FAM169A: variants seen among roughly 807,000 people sequenced by gnomAD.
FAM169A encodes family with sequence similarity 169 member A.
A neutral mutation model predicts 75.7 loss-of-function variants in FAM169A; 24 were observed. The observed-to-expected ratio is 0.32, with a 90% CI of 0.23 to 0.45. The LOEUF is 0.45. FAM169A is among the 20% of genes least tolerant of loss of function. The pLI, the probability that FAM169A is intolerant of heterozygous loss-of-function variation, is 1.00. For missense variants in FAM169A, 673 were observed against 784.0 expected, an observed-to-expected ratio of 0.86 and a Z score of 1.69; for synonymous variants, 271 against 271.0, an observed-to-expected ratio of 1.00 and a Z score of 0.00.
In FAM169A at chr5:74,840,122, G is replaced by T. The variant is rs1748779947; in HGVS notation, c.184C>A (p.Gln62Lys). 6.2e-7 allele frequency: 1 copy of T among 1,602,110 alleles called. No homozygotes were observed. Among genetic ancestry groups the T allele is most frequent in the Non-Finnish European group, 8.5e-7 (1 of 1,174,298 alleles). The part of the protein sequence containing the change: ...VGFVPLYGGD[Q>K]TQKILALFAP... ...AAGAGAGCAAGAATTTTCTGGGTCT[G>T]ATCTCCACCATAAAGAGGTACAAAG... Residue 62 changes from glutamine (Q) to lysine (K), a missense_variant, in exon 3 of 13, where the codon CAG becomes AAG. Gln to Lys is a moderately conservative substitution (Grantham distance 53). Around this residue, in one of 3 missense-constraint regions of FAM169A, gnomAD observed 107 missense variants for 180.8 expected, o/e 0.59. Coordinates refer to ENST00000687041, the MANE Select transcript of FAM169A (RefSeq NM_001376049.1).
intron 6 of FAM169A, among the ~76,000 whole-genome samples, chr5:74,810,412 G>A (rs1046046474): frequency 6.6e-6 from 1 of 152,062 alleles, no homozygotes. Context: ...CCATATGTTT[G>A]TCAGAAGTCA....
chr5:74,797,719 G>A (rs887283311), intron 10 of FAM169A, among the ~76,000 whole-genome samples: 2 of 152,176 alleles, frequency 1.3e-5, no homozygotes, highest in African/African-American at 4.8e-5. Context: ...ACTGGGCAGT[G>A]TAAATACAAA....
At chr5:74,834,841 G>C (rs1018050087) in intron 4 of FAM169A, among the ~76,000 whole-genome samples, 2 of 151,408 alleles carry the variant, frequency 1.3e-5, no homozygotes, top group South Asian at 4.2e-4. Flanking sequence ...ATTCTAAATC[G>C]GGCAAAAAAC....
Position 74,800,987 on chromosome 5 carries a change from A to G in FAM169A, c.996T>C (p.Asn332=). 6.4e-7 allele frequency: 1 copy of G among 1,567,282 alleles called. No individual in the cohort carries two copies. The highest frequency in any genetic ancestry group is 8.6e-7 in the Non-Finnish European group (1 of 1,156,286). The change falls in exon 10 of 13, where the codon AAT becomes AAC. Residue 332 remains asparagine, a synonymous_variant. Transcript: ENST00000687041. ...TSVSTHTRSG[N]LKRPKIGKRF... is the part of the protein sequence containing the mutation. Reference sequence around the variant, plus strand: ...GCTTTCCAATCTTTGGCCGCTTTAGATTACCACTTCGAGTATGAGTGGAAA... The same window carrying G: ...GCTTTCCAATCTTTGGCCGCTTTAGGTTACCACTTCGAGTATGAGTGGAAA...
chr5:74,784,538 C>CAAAAAAAAAAAAAAAA (rs1745581319), intron 11 of FAM169A, among the ~76,000 whole-genome samples: 1 of 106,520 alleles, frequency 9.4e-6, no homozygotes, highest in African/African-American at 4.9e-5. Flanking sequence ...AACAAGAAAC[C>CAAAAAAAAAAAAAAAA]AAAGTGCAAT....
chr5:74,860,749 T>A lies in FAM169A; in HGVS notation c.-4+5416A>T, dbSNP rs1010774486. ...AATATTCTTCTTCTCTCTCTTCTTC[T>A]TAGTTTCTTTCAGCAACTGACCCCT... is the stretch of plus-strand genomic sequence containing the variant. On this transcript the variant is annotated intron_variant, in intron 1 of 12. Coordinates refer to ENST00000687041, the MANE Select transcript of FAM169A (RefSeq NM_001376049.1). Among the ~76,000 whole-genome samples the A allele has an allele frequency of 3.3e-5, 5 of 151,548 alleles. No homozygotes were observed. In the East Asian group the frequency reaches 9.6e-4, roughly 29 times the overall value.
chr5:74,844,424 C>T (rs762348025), intron 1 of FAM169A, among the ~76,000 whole-genome samples: 1 of 151,378 alleles, frequency 6.6e-6, no homozygotes, highest in Non-Finnish European at 1.5e-5. Flanking sequence ...ATCGTGCCAG[C>T]CTGGGTAACA....
At chr5:74,817,165 C>G (rs1747511828) in intron 5 of FAM169A, among the ~76,000 whole-genome samples, 1 of 151,956 alleles carries the variant, frequency 6.6e-6, no homozygotes, top group African/African-American at 2.4e-5. Flanking sequence ...TCACCACTTG[C>G]ATTCGACATT....
At chr5:74,863,054 G>C (rs1750124070) in intron 1 of FAM169A, among the ~76,000 whole-genome samples, 1 of 149,912 alleles carries the variant, frequency 6.7e-6, no homozygotes, top group African/African-American at 2.4e-5. Flanking sequence ...GGGGTGGGAG[G>C]AATCTAGGTA....
chr5:74,819,947 T>C (rs1483479498), intron 5 of FAM169A, among the ~76,000 whole-genome samples: 1 of 151,752 alleles, frequency 6.6e-6, no homozygotes, highest in Admixed American at 6.6e-5. Flanking sequence ...GCTGTGGTAA[T>C]GGTTTCATAA....
intron 7 of FAM169A, among the ~76,000 whole-genome samples, 186 bp from the exon 8 acceptor site, chr5:74,804,791 T>G (rs542679326): frequency 1.3e-5 from 2 of 152,216 alleles, no homozygotes; most frequent in Non-Finnish European, 2.9e-5. Flanking sequence ...CAATGTTAAA[T>G]AGTTATTTTA....
intron 1 of FAM169A, among the ~76,000 whole-genome samples, chr5:74,860,973 TA>T (rs1750004575): frequency 6.6e-6 from 1 of 151,752 alleles, no homozygotes; most frequent in Admixed American, 6.6e-5. Context: ...CCGTATCTAC[TA>T]AAAAGTACAA....
chr5:74,785,737 G>T (rs56298329), intron 11 of FAM169A, among the ~76,000 whole-genome samples: 9,247 of 152,298 alleles, frequency 0.061, 387 homozygotes, highest in Non-Finnish European at 0.091. Context: ...ACTCCAGCCT[G>T]CATGACAGAG....
intron 6 of FAM169A, among the ~76,000 whole-genome samples, chr5:74,810,643 G>C (rs1377543060): frequency 6.7e-6 from 1 of 150,328 alleles, no homozygotes; most frequent in Non-Finnish European, 1.5e-5. Context: ...CCAGCTACTC[G>C]GGAGGCTGAG....
chr5:74,801,503 CCA>C, intron 9 of FAM169A, 85 bp downstream of exon 9: 3 of 1,040,544 alleles, frequency 2.9e-6, no homozygotes, highest in South Asian at 1.3e-5. Context: ...GGGTGACACA[CCA>C]CACACACATG....
Position 74,783,133 on chromosome 5 carries a change from T to A in FAM169A, c.1262A>T (p.Glu421Val). The stretch of plus-strand genomic sequence containing the variant: ...ACCATTCATAGGCTCTAATTCAGAT[T>A]CCTACACCATGAGGAGAGAGGGAAA... ...PQQEKQDGEK[E>V]SELEPMNGEI... Residue 421 changes from glutamate to valine, a missense_variant and splice_region_variant, in exon 12 of 13, where the codon GAA becomes GTA. Glu to Val is a moderately radical substitution (Grantham distance 121, BLOSUM62 -2). Transcript: ENST00000687041. 6.2e-7 allele frequency: 1 copy of A among 1,605,422 alleles called. No homozygotes were observed. The highest frequency in any genetic ancestry group is 8.5e-7 in the Non-Finnish European group (1 of 1,174,308).
chr5:74,823,856 T>A (rs926823790), intron 5 of FAM169A, among the ~76,000 whole-genome samples: 3 of 152,186 alleles, frequency 2.0e-5, no homozygotes, highest in Non-Finnish European at 2.9e-5. Context: ...AAAATTCAGC[T>A]GGGTTTCACT....
At chr5:74,827,669 C>CTT (rs555386249) in intron 5 of FAM169A, among the ~76,000 whole-genome samples, 8 of 138,762 alleles carry the variant, frequency 5.8e-5, no homozygotes, top group East Asian at 2.1e-4. Context: ...TGGAGCTTAT[C>CTT]TTTTTTTTTT....
intron 4 of FAM169A, among the ~76,000 whole-genome samples, chr5:74,835,674 G>C (rs1444446959): frequency 4.6e-5 from 7 of 151,038 alleles, no homozygotes; most frequent in Admixed American, 4.6e-4. Context: ...ACAAGTTCAG[G>C]CTCTAATTAG....
Sources: allele counts gnomAD v4.1 joint callset (sites outside exome capture counted in the v4.1 genomes callset), GRCh38; gene constraint gnomAD v4.1.1; regional missense constraint gnomAD v4.1.1; transcripts MANE v1.5; gene names NCBI Gene and HGNC (gene_info 2026-07-23, HGNC 2026-07-21).